GALNT13: variants seen among roughly 807,000 people sequenced by gnomAD.
GALNT13 encodes the protein polypeptide N-acetylgalactosaminyltransferase 13.
In GALNT13, 28 loss-of-function variants were observed where a neutral mutation model predicts 64.2. The observed-to-expected ratio is 0.44, with a 90% confidence interval of 0.32 to 0.60. The LOEUF is 0.60. Ranked by LOEUF, GALNT13 falls within the 20% of genes least tolerant of loss-of-function variation. The pLI, the probability that GALNT13 is intolerant of heterozygous loss-of-function variation, is 0.05. For synonymous variants in GALNT13, 214 were observed against 224.6 expected (o/e 0.95, Z 0.42); for missense variants, 577 against 669.8 (o/e 0.86, Z 1.53).
At chr2:153,499,551 A>G in the GALNT13 span, among the ~76,000 whole-genome samples, 1 of 152,112 alleles carries the variant, frequency 6.6e-6, no homozygotes, top group Non-Finnish European at 1.5e-5. Context: ...ACCATCAGTC[A>G]TGTCGTCCAT....
the GALNT13 span, among the ~76,000 whole-genome samples, chr2:153,193,718 A>G: frequency 6.6e-6 from 1 of 151,242 alleles, no homozygotes; most frequent in Non-Finnish European, 1.5e-5. Context: ...ATGTGCTTTT[A>G]TGATTGTAGA....
chr2:154,416,941 A>G (rs925903879), intron 11 of GALNT13, among the ~76,000 whole-genome samples: 1 of 152,074 alleles, frequency 6.6e-6, no homozygotes, highest in Non-Finnish European at 1.5e-5. Flanking sequence ...GTGTGTCTAT[A>G]ATTACCTTTT....
At chr2:154,437,584 T>G in intron 11 of GALNT13, 1 of 1,276,498 alleles carries the variant, frequency 7.8e-7, no homozygotes, top group Non-Finnish European at 1.0e-6. Context: ...AGGCTGGGCA[T>G]GGCGGCTCAC....
At chr2:153,743,665 G>A in the GALNT13 span, among the ~76,000 whole-genome samples, 8 of 152,196 alleles carry the variant, frequency 5.3e-5, no homozygotes, top group East Asian at 1.5e-3. Context: ...TTGACCCTCT[G>A]TGTTTCAAAA....
the GALNT13 span, among the ~76,000 whole-genome samples, chr2:153,777,771 G>C: frequency 1.3e-5 from 2 of 152,128 alleles, no homozygotes; most frequent in Non-Finnish European, 2.9e-5. Flanking sequence ...GATGTTTACA[G>C]CTCCTGAAGC....
chr2:153,090,362 A>C, the GALNT13 span, among the ~76,000 whole-genome samples: 5 of 152,186 alleles, frequency 3.3e-5, no homozygotes, highest in African/African-American at 1.2e-4. Flanking sequence ...AGGGGAAGGA[A>C]GAAGATTCTG....
intron 3 of GALNT13, among the ~76,000 whole-genome samples, chr2:153,968,187 C>CA (rs1693502094): frequency 6.6e-6 from 1 of 152,126 alleles, no homozygotes; most frequent in African/African-American, 2.4e-5. Flanking sequence ...GGTTGCCACT[C>CA]AAAGTTATTT....
intron 4 of GALNT13, among the ~76,000 whole-genome samples, chr2:154,227,806 G>T (rs988983968): frequency 6.6e-6 from 1 of 151,868 alleles, no homozygotes; most frequent in Non-Finnish European, 1.5e-5. Flanking sequence ...CACCAGTGGC[G>T]CTTGTGGCTG....
At chr2:154,389,399 A>C (rs1698672138) in intron 9 of GALNT13, among the ~76,000 whole-genome samples, 1 of 152,172 alleles carries the variant, frequency 6.6e-6, no homozygotes, top group African/African-American at 2.4e-5. Flanking sequence ...TCGGCCTCCA[A>C]AATTGCTGGG....
the GALNT13 span, among the ~76,000 whole-genome samples, chr2:153,725,784 C>G: frequency 8.5e-6 from 1 of 117,124 alleles, no homozygotes; most frequent in African/African-American, 4.9e-5. Flanking sequence ...TGCAGCACAG[C>G]TTAATCATAT....
At chr2:153,768,110 A>G in the GALNT13 span, among the ~76,000 whole-genome samples, 1 of 152,024 alleles carries the variant, frequency 6.6e-6, no homozygotes. Context: ...TTAATATTCA[A>G]TTTTGTTTAT....
chr2:153,308,674 G>A, the GALNT13 span, among the ~76,000 whole-genome samples: 36 of 152,298 alleles, frequency 2.4e-4, no homozygotes, highest in African/African-American at 8.2e-4. Flanking sequence ...GCTTGCAGAT[G>A]CCTGGCTCTC....
At chr2:153,531,039 G>T in the GALNT13 span, among the ~76,000 whole-genome samples, 1 of 152,128 alleles carries the variant, frequency 6.6e-6, no homozygotes. Context: ...GCACAAATGG[G>T]ATCATATCAA....
the GALNT13 span, among the ~76,000 whole-genome samples, chr2:153,652,103 C>G: frequency 6.6e-6 from 1 of 152,078 alleles, no homozygotes; most frequent in Non-Finnish European, 1.5e-5. Flanking sequence ...CTAGTCCACT[C>G]TAAGCTACAT....
chr2:153,775,778 T>G, the GALNT13 span, among the ~76,000 whole-genome samples: 1 of 152,154 alleles, frequency 6.6e-6, no homozygotes, highest in African/African-American at 2.4e-5. Flanking sequence ...TTCTAGAGCC[T>G]TCTTTGGACA....
At chr2:153,666,867 GAT>G in the GALNT13 span, among the ~76,000 whole-genome samples, 1 of 152,094 alleles carries the variant, frequency 6.6e-6, no homozygotes, top group Non-Finnish European at 1.5e-5. Context: ...TGGAAATGAA[GAT>G]CATAAAGATT....
At chr2:154,256,410 A>G (rs1196037518) in intron 7 of GALNT13, among the ~76,000 whole-genome samples, 2 of 152,190 alleles carry the variant, frequency 1.3e-5, no homozygotes, top group African/African-American at 4.8e-5. Context: ...ATGTGAGACT[A>G]TGGATTAACT....
At chr2:154,208,570 G>A (rs4356617) in intron 4 of GALNT13, among the ~76,000 whole-genome samples, 27,916 of 150,888 alleles carry the variant, frequency 0.19, 3,483 homozygotes, top group Admixed American at 0.31. Context: ...GTTTGACCCT[G>A]GAATCTGATA....
the GALNT13 span, among the ~76,000 whole-genome samples, chr2:153,595,694 C>T: frequency 6.6e-6 from 1 of 151,942 alleles, no homozygotes; most frequent in South Asian, 2.1e-4. Context: ...AATATCTATC[C>T]CTTATTTTTA....
Sources: allele counts gnomAD v4.1 joint callset (sites outside exome capture counted in the v4.1 genomes callset), GRCh38; gene constraint gnomAD v4.1.1; transcripts MANE v1.5; gene names NCBI Gene and HGNC (gene_info 2026-07-23, HGNC 2026-07-21).